Variants in CLHC1 observed in about 807,000 individuals in gnomAD.
CLHC1 encodes clathrin heavy chain linker domain containing 1.
Under a neutral mutation model 69.5 loss-of-function variants are expected in CLHC1, and 72 were observed. That is an observed-to-expected ratio of 1.04 (90% CI 0.86 to 1.26). The LOEUF is 1.26. Among genes scored for constraint, CLHC1 ranks in the 50% most tolerant of loss-of-function variants. CLHC1 has a pLI of 0.00. For synonymous variants in CLHC1, 223 were observed against 224.3 expected (o/e 0.99, Z 0.05); for missense variants, 790 against 679.3 (o/e 1.16, Z -1.81).
intron 1 of CLHC1, among the ~76,000 whole-genome samples, chr2:55,231,107 G>T (rs920875014): frequency 2.6e-5 from 4 of 151,980 alleles, no homozygotes; most frequent in Non-Finnish European, 4.4e-5. Context: ...AAAATTAGCC[G>T]GGTGTGGTGG....
intron 9 of CLHC1, among the ~76,000 whole-genome samples, chr2:55,187,939 C>A (rs1480559172): frequency 6.6e-6 from 1 of 152,182 alleles, no homozygotes; most frequent in Non-Finnish European, 1.5e-5. Flanking sequence ...TCCTAAAAAT[C>A]ATTGAGAAAA....
chr2:55,209,597 CA>C, intron 6 of CLHC1, 32 bp downstream of exon 6: 1 of 1,602,412 alleles, frequency 6.2e-7, no homozygotes. Flanking sequence ...AATAAAACTC[CA>C]AACTTTAAAA....
chr2:55,208,865 C>CCTTTTTTTTT, intron 7 of CLHC1, among the ~76,000 whole-genome samples, 155 bp from the exon 8 acceptor site: 1 of 90,820 alleles, frequency 1.1e-5, no homozygotes, highest in Non-Finnish European at 2.2e-5. Context: ...TCCCTTTCCT[C>CCTTTTTTTTT]TTTTTTTTTT....
intron 9 of CLHC1, among the ~76,000 whole-genome samples, chr2:55,194,943 G>C (rs184960684): frequency 4.8e-4 from 72 of 151,434 alleles, no homozygotes; most frequent in Non-Finnish European, 9.0e-4. Context: ...TGGGGGATGG[G>C]GTATCATTCT....
At chr2:55,223,851 A>G (rs1674421100) in intron 2 of CLHC1, 1 of 151,756 alleles carries the variant, frequency 6.6e-6, no homozygotes, top group Non-Finnish European at 1.5e-5. Context: ...GCTGGAGTGC[A>G]GCGGCGAGAT....
intron 9 of CLHC1, among the ~76,000 whole-genome samples, chr2:55,200,235 A>AAC (rs1553349827): frequency 7.2e-6 from 1 of 139,526 alleles, no homozygotes; most frequent in Non-Finnish European, 1.5e-5. Flanking sequence ...TAAAAAAAAA[A>AAC]AAAAAAAAAA....
intron 9 of CLHC1, among the ~76,000 whole-genome samples, chr2:55,199,296 C>CAAAAAAAAAAA (rs57570449): frequency 1.4e-5 from 1 of 70,934 alleles, no homozygotes; most frequent in Non-Finnish European, 2.5e-5. Flanking sequence ...GACTCCATCT[C>CAAAAAAAAAAA]AAAAAAAAAA....
chr2:55,181,772 C>T, intron 9 of CLHC1, 28 bp from the exon 10 acceptor site: 1 of 1,576,184 alleles, frequency 6.3e-7, no homozygotes, highest in Non-Finnish European at 8.7e-7. Flanking sequence ...TTTTCTGAGT[C>T]AAATACTTTA....
intron 4 of CLHC1, among the ~76,000 whole-genome samples, chr2:55,213,013 A>G (rs897995129): frequency 4.6e-5 from 7 of 152,190 alleles, no homozygotes; most frequent in African/African-American, 1.4e-4. Context: ...TCTGAACCCT[A>G]TTGGAAATTC....
At chr2:55,176,637 C>T (rs1291001969) in intron 12 of CLHC1, among the ~76,000 whole-genome samples, 1 of 152,046 alleles carries the variant, frequency 6.6e-6, no homozygotes, top group Non-Finnish European at 1.5e-5. Context: ...TTATCTATTA[C>T]CTGCATTACT....
chr2:55,178,590 C>G (rs985503677), intron 11 of CLHC1, among the ~76,000 whole-genome samples: 3 of 151,702 alleles, frequency 2.0e-5, no homozygotes, highest in African/African-American at 7.3e-5. Flanking sequence ...CCTGGGCTCA[C>G]GCAGTCTCCC....
intron 2 of CLHC1, 30 bp from the exon 3 acceptor site, chr2:55,222,523 T>C (rs1159218051): frequency 1.1e-5 from 8 of 730,814 alleles, no homozygotes; most frequent in Non-Finnish European, 1.5e-5. Flanking sequence ...TCAATTAATA[T>C]AATAATTTTT....
chr2:55,209,491 G>C lies in CLHC1; in HGVS notation c.727C>G (p.Gln243Glu), dbSNP rs1672773816. Residue 243 changes from glutamine to glutamate, a missense_variant, in exon 7 of 13, where the codon CAG (glutamine) becomes GAG (glutamate). By Grantham distance (29) the Gln-to-Glu change is conservative. Transcript: ENST00000401408. ...FCHQRLQIIS[Q>E]ALSSWVKSDM... ...GATTTTACCCATGAACTAAGTGCCT[G>C]TGAAATTATCTGCAGTCTTTGATGA... 6.2e-7 allele frequency: 1 copy of C among 1,610,948 alleles called. No individual in the cohort carries two copies. Among genetic ancestry groups the C allele is most frequent in the Non-Finnish European group, 8.5e-7 (1 of 1,178,764 alleles).
At chr2:55,178,719 A>G (rs1459125044) in intron 11 of CLHC1, among the ~76,000 whole-genome samples, 1 of 152,038 alleles carries the variant, frequency 6.6e-6, no homozygotes, top group Non-Finnish European at 1.5e-5. Flanking sequence ...TGCGGCCACA[A>G]TAGAGGTAAT....
Position 55,174,808 on chromosome 2 carries a change from C to G in CLHC1, c.*982G>C, listed in dbSNP as rs1273142114. The stretch of plus-strand genomic sequence containing the variant: ...CTTTTTTTAATAACAGAGACGGGAT[C>G]TCACTGTGTTACCTAGCTGGTCTCA... On this transcript the variant is annotated 3_prime_UTR_variant, in exon 13 of 13. Coordinates refer to ENST00000401408, the MANE Select transcript of CLHC1 (RefSeq NM_152385.4). 6.6e-6 allele frequency: 1 copy of G among 151,908 alleles called. No homozygotes were observed. 9.4% of individuals were successfully genotyped at this position (151,908 alleles called of 1,614,324 possible). A position where few individuals can be genotyped will look rare whatever the true frequency, so the allele number is the denominator to read the frequency against.
chr2:55,228,381 G>C (rs1181554658), intron 1 of CLHC1, among the ~76,000 whole-genome samples, 177 bp from the exon 2 acceptor site: 3 of 152,216 alleles, frequency 2.0e-5, no homozygotes, highest in Non-Finnish European at 4.4e-5. Flanking sequence ...CATTGGACTT[G>C]TGGTGCTCTC....
chr2:55,202,502 G>T (rs933520178), intron 9 of CLHC1, among the ~76,000 whole-genome samples: 27 of 151,098 alleles, frequency 1.8e-4, no homozygotes, highest in Non-Finnish European at 3.8e-4. Flanking sequence ...TTTGCAGTGA[G>T]CTGAGATCGC....
intron 1 of CLHC1, 183 bp downstream of exon 1, chr2:55,232,040 T>A (rs1675439852): frequency 6.6e-6 from 1 of 152,432 alleles, no homozygotes; most frequent in East Asian, 1.9e-4. Flanking sequence ...CCACGCAAAT[T>A]CCCTTCCCTT....
In CLHC1 at chr2:55,174,841, G is replaced by C. The variant is rs1423924052; in HGVS notation, c.*949C>G. ...GTTACCTAGCTGGTCTCAAACTCCTGGGCTCAAGCGATCCTCCTGCCTCGA... is the reference window on the plus strand; with the variant it reads ...GTTACCTAGCTGGTCTCAAACTCCTCGGCTCAAGCGATCCTCCTGCCTCGA... On this transcript the variant is annotated 3_prime_UTR_variant, in exon 13 of 13. Coordinates refer to ENST00000401408, the MANE Select transcript of CLHC1 (RefSeq NM_152385.4). 6.6e-6 allele frequency: 1 copy of C among 151,698 alleles called. No homozygotes were observed. Among genetic ancestry groups the C allele is most frequent in the Non-Finnish European group, 1.5e-5 (1 of 67,980 alleles). 9.4% of individuals were successfully genotyped at this position (151,698 alleles called of 1,614,324 possible). A position where few individuals can be genotyped will look rare whatever the true frequency, so the allele number is the denominator to read the frequency against.
Sources: gnomAD v4.1 joint callset for allele counts (sites outside exome capture counted in the v4.1 genomes callset) on GRCh38, gnomAD v4.1.1 for gene constraint, MANE v1.5 for transcripts, NCBI Gene and HGNC (gene_info 2026-07-23, HGNC 2026-07-21) for gene names.